LMO7: variants seen among roughly 807,000 people sequenced by gnomAD.
The protein encoded by LMO7 is LIM domain 7.
Under a neutral mutation model 206.5 loss-of-function variants are expected in LMO7, and 120 were observed. The observed-to-expected ratio is 0.58, with a 90% CI of 0.50 to 0.68. LMO7 has a LOEUF of 0.68. Among genes scored for constraint, LMO7 ranks in the 30% least tolerant of loss-of-function variants. The pLI is 0.00. For synonymous variants in LMO7, 706 were observed against 681.5 expected, an observed-to-expected ratio of 1.04 and a Z score of -0.56; for missense variants, 1,959 against 1,957.9, an observed-to-expected ratio of 1.00 and a Z score of -0.01.
rs530856280 is a variant in LMO7, at chr13:75,853,259, C to T, written c.4532C>T (p.Ser1511Phe). Residue 1511 changes from serine (S) to phenylalanine (F), a missense_variant, in exon 28 of 31, where the codon TCC becomes TTC. Transcript: ENST00000377534. ...TSNRAYMRNP[S>F]SSVPPPSAGS... Reference sequence around the variant, plus strand: ...AACCGTGCCTACATGCGGAACCCCTCCTCCAGCGTGCCCCCACCTTCAGCT... The same window carrying T: ...AACCGTGCCTACATGCGGAACCCCTTCTCCAGCGTGCCCCCACCTTCAGCT... 9.3e-6 allele frequency: 15 copies of T among 1,614,142 alleles called. No homozygotes were observed. In the South Asian group the frequency reaches 1.5e-4, roughly 17 times the overall value.
intron 3 of LMO7, among the ~76,000 whole-genome samples, chr13:75,733,752 C>T (rs2045524527): frequency 6.6e-6 from 1 of 152,218 alleles, no homozygotes; most frequent in Non-Finnish European, 1.5e-5. Flanking sequence ...TTGAGCTGTT[C>T]CTATTCGGCC....
chr13:75,777,222 G>A (rs1278529044), intron 4 of LMO7, among the ~76,000 whole-genome samples: 1 of 152,106 alleles, frequency 6.6e-6, no homozygotes, highest in Non-Finnish European at 1.5e-5. Context: ...TATATGAATG[G>A]TACTTTGTTT....
At chr13:75,663,432 C>CT (rs1178254643) in intron 1 of LMO7, among the ~76,000 whole-genome samples, 20 of 111,394 alleles carry the variant, frequency 1.8e-4, no homozygotes, top group African/African-American at 4.5e-4. Flanking sequence ...TTCTTTCTTT[C>CT]TTTTTTTTTT....
rs772702668 is a variant in LMO7 at position 75,727,096 on chromosome 13, T to C, written c.208T>C (p.Leu70=). The C allele has an allele frequency of 3.8e-6, 6 of 1,562,700 alleles. No homozygotes were observed. Among genetic ancestry groups the C allele is most frequent in the Non-Finnish European group, 4.4e-6 (5 of 1,135,694 alleles). ...INRLSTPIAG[L]DNINVFLKAC... is the part of the protein sequence containing the mutation. The stretch of plus-strand genomic sequence containing the variant: ...TAGACTGTCTACACCAATAGCAGGA[T>C]TGGTAAGTAGTAAATTATCTTCACA... Residue 70 remains leucine, a splice_region_variant and synonymous_variant, in exon 3 of 31, where the codon TTG becomes CTG. Transcript: ENST00000377534.
intron 4 of LMO7, among the ~76,000 whole-genome samples, chr13:75,783,042 G>A (rs897835493): frequency 2.0e-5 from 3 of 152,170 alleles, no homozygotes; most frequent in Non-Finnish European, 2.9e-5. Context: ...TTAAAGTGTG[G>A]AGTAGGAACA....
chr13:75,743,552 A>T (rs572343781), intron 3 of LMO7, among the ~76,000 whole-genome samples: 2 of 152,332 alleles, frequency 1.3e-5, no homozygotes, highest in African/African-American at 4.8e-5. Context: ...CTTTGCAGGG[A>T]CATGAGTGGA....
chr13:75,721,380 G>A (rs1010957382), intron 2 of LMO7, among the ~76,000 whole-genome samples: 2 of 152,152 alleles, frequency 1.3e-5, no homozygotes, highest in African/African-American at 2.4e-5. Context: ...AGTGCTAGGC[G>A]ATGCTGTTTG....
chr13:75,712,549 TAATTCCTTAAGTTGGG>T (rs1025927505), intron 1 of LMO7, among the ~76,000 whole-genome samples: 1 of 152,246 alleles, frequency 6.6e-6, no homozygotes, highest in Non-Finnish European at 1.5e-5. Flanking sequence ...TGTTCCTTTG[TAATTCCTTAAGTTGGG>T]AATTGTCTGT....
At chr13:75,679,720 T>C (rs1418011630) in intron 1 of LMO7, among the ~76,000 whole-genome samples, 2 of 152,186 alleles carry the variant, frequency 1.3e-5, no homozygotes, top group Non-Finnish European at 2.9e-5. Flanking sequence ...TTGCTGGGAC[T>C]GTAGGCATGT....
intron 19 of LMO7, 110 bp from the exon 20 acceptor site, chr13:75,838,030 C>G (rs1179067468): frequency 1.5e-6 from 1 of 671,594 alleles, no homozygotes; most frequent in Non-Finnish European, 2.6e-6. Context: ...GTTTTGTGAT[C>G]TTTTAAAATA....
In LMO7 at chr13:75,716,380, CTGAT is replaced by C. The variant is rs1202285886; in HGVS notation, c.140+3132_140+3135del. On this transcript the variant is annotated intron_variant, in intron 2 of 30. Transcript: ENST00000377534. ...TTATATGCGTTCATTGCCTTTTAAT[CTGAT>C]TGACTATTGAAATTAGTATCTTCAT... Among the ~76,000 whole-genome samples, 9 of 152,174 alleles carry C rather than the reference CTGAT, an allele frequency of 5.9e-5. No individual in the cohort carries two copies. The South Asian group carries it at 1.0e-3, about 18-fold the overall frequency.
At chr13:75,638,300 A>G (rs990539822) in intron 1 of LMO7, among the ~76,000 whole-genome samples, 8 of 152,064 alleles carry the variant, frequency 5.3e-5, no homozygotes, top group African/African-American at 1.9e-4. Flanking sequence ...TTGGAAAACG[A>G]TGAATTCCTT....
intron 3 of LMO7, among the ~76,000 whole-genome samples, chr13:75,755,084 G>T (rs2047574356): frequency 6.6e-6 from 1 of 152,080 alleles, no homozygotes; most frequent in Admixed American, 6.6e-5. Flanking sequence ...AAGGGTCAGG[G>T]GAGTGGTAGC....
chr13:75,790,333 A>G (rs9565201), intron 4 of LMO7, among the ~76,000 whole-genome samples: 3,498 of 152,184 alleles, frequency 0.023, 113 homozygotes, highest in African/African-American at 0.071. Flanking sequence ...ATCTCTCACT[A>G]AAGCCCAGTG....
At chr13:75,724,606 A>G (rs1456620267) in intron 2 of LMO7, among the ~76,000 whole-genome samples, 2 of 152,212 alleles carry the variant, frequency 1.3e-5, no homozygotes, top group Non-Finnish European at 2.9e-5. Context: ...TTGATTTGAC[A>G]TAAGGCTATG....
intron 1 of LMO7, among the ~76,000 whole-genome samples, chr13:75,691,372 C>A (rs1015866671): frequency 3.3e-5 from 5 of 152,174 alleles, no homozygotes; most frequent in Admixed American, 6.6e-5. Flanking sequence ...AGAAAAGATG[C>A]AGGATTTGTA....
At chr13:75,776,094 G>GATATAT (rs58885943) in intron 4 of LMO7, among the ~76,000 whole-genome samples, 33 of 103,592 alleles carry the variant, frequency 3.2e-4, no homozygotes, top group African/African-American at 1.0e-3. Context: ...AAATGTTGTG[G>GATATAT]ATATATATAT....
chr13:75,811,208 C>T (rs1595196761), intron 11 of LMO7, among the ~76,000 whole-genome samples: 7 of 130,678 alleles, frequency 5.4e-5, no homozygotes, highest in South Asian at 2.4e-4. Context: ...TTTTCTTTCT[C>T]TTTTTTTTTT....
Position 75,626,595 on chromosome 13 carries a change from A to ATTTTTTTTTTTTTTTTTTTTT in LMO7, c.225+3282_225+3283insTTTTTTTTTTTTTTTTTTTTT, listed in dbSNP as rs1240937141. Reference sequence around the variant, plus strand: ...ATATATATTATATATATATATATAAATTTTTTTGAGACAGGGTCTCACTCT... The same window carrying ATTTTTTTTTTTTTTTTTTTTT: ...ATATATATTATATATATATATATAAATTTTTTTTTTTTTTTTTTTTTTTTTTTTGAGACAGGGTCTCACTCT... On this transcript the variant is annotated intron_variant, in intron 2 of 29. Transcript: ENST00000341547. Among the ~76,000 whole-genome samples the ATTTTTTTTTTTTTTTTTTTTT allele has an allele frequency of 8.0e-4, 57 of 71,168 alleles. 6 individuals are homozygous for ATTTTTTTTTTTTTTTTTTTTT. Among genetic ancestry groups the ATTTTTTTTTTTTTTTTTTTTT allele is most frequent in the Non-Finnish European group, 1.8e-3 (51 of 27,594 alleles). The allele number at this position is 71,168 out of a possible 152,430, so 46.7% of individuals were successfully genotyped here.
Sources: gnomAD v4.1 joint callset for allele counts (sites outside exome capture counted in the v4.1 genomes callset) on GRCh38, gnomAD v4.1.1 for gene constraint, MANE v1.5 for transcripts, NCBI Gene and HGNC (gene_info 2026-07-23, HGNC 2026-07-21) for gene names.